Variants in FSD1L observed in about 807,000 individuals in gnomAD.
FSD1L encodes the protein FSD1-like protein.
A neutral mutation model predicts 71.6 loss-of-function variants in FSD1L; 45 were observed. The observed-to-expected ratio is 0.63, with a 90% confidence interval of 0.49 to 0.81. The LOEUF (loss-of-function observed/expected upper bound fraction) is 0.81, where lower values mean the gene tolerates loss of function less well. Among genes scored for constraint, FSD1L ranks in the 30% least tolerant of loss-of-function variants. The probability of loss-of-function intolerance (pLI) is 0.00; values close to 1 mark genes in which losing one functional copy is unlikely to be tolerated. For synonymous variants in FSD1L, 197 were observed against 207.2 expected (o/e 0.95, Z 0.42); for missense variants, 561 against 618.1 (o/e 0.91, Z 0.98).
intron 10 of FSD1L, among the ~76,000 whole-genome samples, chr9:105,527,705 CAA>C (rs35520921): frequency 7.3e-6 from 1 of 136,600 alleles, no homozygotes; most frequent in African/African-American, 2.7e-5. Context: ...ATATTCTTAT[CAA>C]AAAAAAAAAA....
At chr9:105,484,292 A>G in intron 6 of FSD1L, 89 bp from the exon 7 acceptor site, 3 of 902,888 alleles carry the variant, frequency 3.3e-6, no homozygotes, top group Non-Finnish European at 4.6e-6. Flanking sequence ...ATTATTAGTG[A>G]TATAATTTGT....
In FSD1L at chr9:105,523,683, G is replaced by A. The variant is rs558994410; in HGVS notation, c.1025+10747G>A. The A allele has an allele frequency of 4.4e-5, 70 of 1,599,636 alleles. No individual in the cohort carries two copies. The Admixed American group carries it at 6.0e-4, about 14-fold the overall frequency. ...CATGTTGACTGATAAATATAAACAA[G>A]GTAAATTACATGCATATAAACTTAT... is the stretch of plus-strand genomic sequence containing the variant. On this transcript the variant is annotated intron_variant, in intron 10 of 13. Transcript: ENST00000481272.
chr9:105,449,630 A>G lies in FSD1L; in HGVS notation c.15+1395A>G, dbSNP rs577575290. Among the ~76,000 whole-genome samples the G allele has an allele frequency of 2.0e-3, 299 of 152,360 alleles. 4 individuals are homozygous for G. The highest frequency in any genetic ancestry group is 6.8e-3 in the Middle Eastern group (2 of 294). The stretch of plus-strand genomic sequence containing the variant: ...AGTATTTTATAGTGTCATAGTAAAA[A>G]TCTGATAAAATAGTTTGTTCTGAAA... On this transcript the variant is annotated intron_variant, in intron 1 of 13. Transcript: ENST00000481272.
At chr9:105,527,289 TG>T (rs1366347944) in intron 10 of FSD1L, among the ~76,000 whole-genome samples, 4 of 150,034 alleles carry the variant, frequency 2.7e-5, no homozygotes, top group Non-Finnish European at 5.9e-5. Flanking sequence ...TAGATCCTGG[TG>T]TTTCTATGTT....
chr9:105,507,621 G>T, intron 8 of FSD1L, among the ~76,000 whole-genome samples: 1 of 152,112 alleles, frequency 6.6e-6, no homozygotes. Context: ...ATGTTTGTTA[G>T]TAATCTCTGC....
Position 105,548,801 on chromosome 9 carries a change from A to T in FSD1L, c.*2318A>T, listed in dbSNP as rs1265984606. ...CTAAATTTTCAATTATTACTTCAAA[A>T]TAAGAGTCTGAGGATTTCTTCTTAC... is the stretch of plus-strand genomic sequence containing the variant. On this transcript the variant is annotated 3_prime_UTR_variant, in exon 14 of 14. Transcript: ENST00000481272. 1 of 152,086 alleles carries T rather than the reference A, an allele frequency of 6.6e-6. No individual in the cohort carries two copies. Among genetic ancestry groups the T allele is most frequent in the African/African-American group, 2.4e-5 (1 of 41,428 alleles). 9.4% of individuals were successfully genotyped at this position (152,086 alleles called of 1,614,324 possible).
In FSD1L at chr9:105,506,427, A is replaced by G. The variant is rs747263830; in HGVS notation, c.615A>G (p.Val205=). ...CCAAAGCTCCAGAGATAGATCCAGT[A>G]GAGTGTTTGGTGGCAGATAACTCTG... The part of the protein sequence containing the change: ...PVPKAPEIDP[V]ECLVADNSVT... The change falls in exon 8 of 14, where the codon GTA becomes GTG. Residue 205 remains valine, a synonymous_variant. Coordinates refer to ENST00000481272, the MANE Select transcript of FSD1L (RefSeq NM_001145313.3). 586 of 1,550,978 alleles carry G rather than the reference A, an allele frequency of 3.8e-4. No individual in the cohort carries two copies. The highest frequency in any genetic ancestry group is 5.0e-4 in the Non-Finnish European group (570 of 1,146,622).
chr9:105,493,181 C>T (rs961364052), intron 7 of FSD1L, among the ~76,000 whole-genome samples: 6 of 152,178 alleles, frequency 3.9e-5, no homozygotes, highest in African/African-American at 1.4e-4. Flanking sequence ...AATCTGGGTG[C>T]TCCTGTATTG....
At chr9:105,498,036 G>C (rs2131324171) in intron 7 of FSD1L, among the ~76,000 whole-genome samples, 2 of 151,812 alleles carry the variant, frequency 1.3e-5, no homozygotes, top group South Asian at 4.2e-4. Context: ...GTAGAGATGG[G>C]GTCTTACTGT....
At chr9:105,476,401 A>G (rs1458570975) in intron 5 of FSD1L, among the ~76,000 whole-genome samples, 1 of 152,176 alleles carries the variant, frequency 6.6e-6, no homozygotes, top group Non-Finnish European at 1.5e-5. Context: ...AAACTTCCTT[A>G]AGTAGAATTG....
intron 7 of FSD1L, among the ~76,000 whole-genome samples, chr9:105,495,205 C>T (rs967628688): frequency 3.3e-5 from 5 of 152,202 alleles, no homozygotes; most frequent in African/African-American, 9.6e-5. Flanking sequence ...TGGGCAATGG[C>T]GGGTGCCCCT....
At chr9:105,449,778 T>TGAGGAACCAGGACATG (rs11272703) in intron 1 of FSD1L, among the ~76,000 whole-genome samples, 1 of 151,878 alleles carries the variant, frequency 6.6e-6, no homozygotes, top group Admixed American at 6.5e-5. Flanking sequence ...CTTACTTTAA[T>TGAGGAACCAGGACATG]GAGTTGTGAC....
chr9:105,465,875 C>CT (rs369033551), intron 3 of FSD1L, among the ~76,000 whole-genome samples: 347 of 144,228 alleles, frequency 2.4e-3, no homozygotes, highest in East Asian at 2.8e-3. Context: ...ACTCTCACCA[C>CT]TTTTTTTTTT....
At chr9:105,448,611 C>A (rs571214038) in intron 1 of FSD1L, among the ~76,000 whole-genome samples, 1 of 91,418 alleles carries the variant, frequency 1.1e-5, no homozygotes, top group Non-Finnish European at 2.2e-5. Context: ...GTGAGGAAAC[C>A]GAGGCACAGC....
At chr9:105,445,517 G>A (rs1829623151), upstream of FSD1L, among the ~76,000 whole-genome samples, 1 of 152,142 alleles carries the variant, frequency 6.6e-6, no homozygotes, top group Admixed American at 6.6e-5. Context: ...CAGTCATAAA[G>A]TGCCTAGGAA....
At chr9:105,479,818 A>G (rs555609725) in intron 6 of FSD1L, among the ~76,000 whole-genome samples, 34 of 152,320 alleles carry the variant, frequency 2.2e-4, no homozygotes, top group African/African-American at 8.2e-4. Flanking sequence ...CCTCCTGTTT[A>G]ACACCTTGTA....
intron 7 of FSD1L, among the ~76,000 whole-genome samples, chr9:105,487,414 C>T (rs1361198676): frequency 6.6e-6 from 1 of 150,802 alleles, no homozygotes; most frequent in African/African-American, 2.4e-5. Context: ...GCTGCAAACA[C>T]TGCTGTCAGG....
At chr9:105,491,724 G>C (rs1832953558) in intron 7 of FSD1L, among the ~76,000 whole-genome samples, 1 of 152,002 alleles carries the variant, frequency 6.6e-6, no homozygotes, top group South Asian at 2.1e-4. Flanking sequence ...GTTGAATTTT[G>C]TCAAAGGCCT....
At chr9:105,493,652 C>A (rs1422795193) in intron 7 of FSD1L, among the ~76,000 whole-genome samples, 1 of 152,162 alleles carries the variant, frequency 6.6e-6, no homozygotes, top group East Asian at 1.9e-4. Flanking sequence ...TTTTTCCTTT[C>A]CATGTTTACT....
Sources: gnomAD v4.1 joint callset for allele counts (sites outside exome capture counted in the v4.1 genomes callset) on GRCh38, gnomAD v4.1.1 for gene constraint, MANE v1.5 for transcripts, NCBI Gene and HGNC (gene_info 2026-07-23, HGNC 2026-07-21) for gene names.